AIG1: variants seen among roughly 807,000 people sequenced by gnomAD.
The protein encoded by AIG1 is androgen induced 1.
A neutral mutation model predicts 31.4 loss-of-function variants in AIG1; 23 were observed. That is an observed-to-expected ratio of 0.73 (90% CI 0.53 to 1.04). AIG1 has a LOEUF of 1.04. AIG1 is among the 50% of genes least tolerant of loss of function. AIG1 has a pLI of 0.00. For missense variants in AIG1, 274 were observed against 295.0 expected, an observed-to-expected ratio of 0.93 and a Z score of 0.52; for synonymous variants, 100 against 110.5, an observed-to-expected ratio of 0.90 and a Z score of 0.60.
At position 143,088,531 on chromosome 6, in the gene AIG1, G is replaced by A. The variant is rs200150; in HGVS notation, c.141+27465G>A. On this transcript the variant is annotated intron_variant, in intron 1 of 5. Coordinates refer to ENST00000357847, the MANE Select transcript of AIG1 (RefSeq NM_016108.4). ...GAGATCACAAAATATAGCACGAAAC[G>A]TGTAGGTTAGTAACTGGGGACTGGA... 1.2e-3 allele frequency among the ~76,000 whole-genome samples: 189 copies of A among 152,306 alleles called. 1 individual carries two copies. Among genetic ancestry groups the A allele is most frequent in the African/African-American group, 4.3e-3 (180 of 41,574 alleles).
intron 3 of AIG1, 130 bp from the exon 4 acceptor site, chr6:143,283,980 C>T (rs949454429): frequency 5.2e-5 from 28 of 537,532 alleles, no homozygotes; most frequent in Middle Eastern, 4.2e-4. Flanking sequence ...ACTTCTTTGG[C>T]GAGCCATAGA....
At chr6:143,239,491 T>C (rs912985658) in intron 3 of AIG1, among the ~76,000 whole-genome samples, 1 of 152,188 alleles carries the variant, frequency 6.6e-6, no homozygotes, top group Admixed American at 6.5e-5. Flanking sequence ...GTTGATGAGC[T>C]GAGGCGCCAC....
chr6:143,099,881 T>C (rs1780096573), intron 1 of AIG1, among the ~76,000 whole-genome samples: 1 of 152,214 alleles, frequency 6.6e-6, no homozygotes, highest in Admixed American at 6.5e-5. Flanking sequence ...ATTAGAAGTG[T>C]GTATTTGTAG....
At chr6:143,094,653 A>T (rs1045961518) in intron 1 of AIG1, among the ~76,000 whole-genome samples, 2 of 152,218 alleles carry the variant, frequency 1.3e-5, no homozygotes, top group African/African-American at 4.8e-5. Flanking sequence ...GCACCCAAGT[A>T]AAAAAGTGAC....
chr6:143,305,430 G>C (rs1325816661), intron 4 of AIG1, among the ~76,000 whole-genome samples: 1 of 151,986 alleles, frequency 6.6e-6, no homozygotes, highest in East Asian at 1.9e-4. Flanking sequence ...TTGTGTCTTT[G>C]TTCTCGTTGG....
intron 2 of AIG1, among the ~76,000 whole-genome samples, chr6:143,139,235 G>A (rs1365755485): frequency 6.6e-6 from 1 of 152,110 alleles, no homozygotes; most frequent in Admixed American, 6.6e-5. Context: ...ATCTATCACT[G>A]TCTTTGTTGT....
intron 1 of AIG1, among the ~76,000 whole-genome samples, chr6:143,070,106 A>C (rs368991560): frequency 5.9e-5 from 9 of 152,342 alleles, no homozygotes; most frequent in East Asian, 3.9e-4. Flanking sequence ...GCAGGTAGTG[A>C]GAATCATCTA....
At chr6:143,142,031 T>A (rs114103246) in intron 2 of AIG1, among the ~76,000 whole-genome samples, 2,435 of 152,216 alleles carry the variant, frequency 0.016, 72 homozygotes, top group African/African-American at 0.056. Flanking sequence ...AGCAGCCGTT[T>A]AATGAAAAAG....
In AIG1 at chr6:143,187,939, A is replaced by G; in HGVS notation, c.399+22756A>G. 3.9e-6 allele frequency: 5 copies of G among 1,275,536 alleles called. No homozygotes were observed. The South Asian group carries it at 7.0e-5, about 18-fold the overall frequency. The allele number at this position is 1,275,536 out of a possible 1,614,324, so 79.0% of individuals were successfully genotyped here. A position where few individuals can be genotyped will look rare whatever the true frequency, so the allele number is the denominator to read the frequency against. On this transcript the variant is annotated intron_variant, in intron 3 of 5. Coordinates refer to ENST00000357847, the MANE Select transcript of AIG1 (RefSeq NM_016108.4). ...GAATTTTTAACCTCCATAAGGAATGATACTTGCTCTTGATTTTATTAGTTG... is the reference window on the plus strand; with the variant it reads ...GAATTTTTAACCTCCATAAGGAATGGTACTTGCTCTTGATTTTATTAGTTG...
chr6:143,155,657 G>A (rs1267316582), intron 2 of AIG1, among the ~76,000 whole-genome samples: 1 of 152,142 alleles, frequency 6.6e-6, no homozygotes, highest in African/African-American at 2.4e-5. Context: ...AATGGATAAA[G>A]CTTAGATTTT....
chr6:143,093,805 G>T (rs780465327), intron 1 of AIG1, among the ~76,000 whole-genome samples: 1 of 152,150 alleles, frequency 6.6e-6, no homozygotes, highest in Non-Finnish European at 1.5e-5. Context: ...TGAAGAGAAG[G>T]AGAAAAATGG....
At chr6:143,192,833 A>G (rs1789913728) in intron 3 of AIG1, among the ~76,000 whole-genome samples, 1 of 152,224 alleles carries the variant, frequency 6.6e-6, no homozygotes. Flanking sequence ...ATTCAAGTCC[A>G]AACAAATTTA....
intron 3 of AIG1, among the ~76,000 whole-genome samples, chr6:143,178,569 CTG>C (rs1418531119): frequency 1.3e-5 from 2 of 152,208 alleles, no homozygotes; most frequent in African/African-American, 4.8e-5. Flanking sequence ...TGAGGTCTCT[CTG>C]GGCTCTGAGC....
chr6:143,172,184 T>A (rs188531609), intron 3 of AIG1, among the ~76,000 whole-genome samples: 108 of 152,344 alleles, frequency 7.1e-4, no homozygotes, highest in African/African-American at 2.5e-3. Flanking sequence ...AGCTTTTTAG[T>A]TTGATTAAGT....
intron 3 of AIG1, among the ~76,000 whole-genome samples, chr6:143,254,309 G>A (rs1038260008): frequency 1.3e-5 from 2 of 152,134 alleles, no homozygotes; most frequent in African/African-American, 4.8e-5. Flanking sequence ...GCAGGGAGGG[G>A]CATCTAAAGT....
rs533959666 is a variant in AIG1 at position 143,299,757 on chromosome 6, C to G, written c.515+15532C>G. On this transcript the variant is annotated intron_variant, in intron 4 of 5. Transcript: ENST00000357847. This position sits in a 1 kb window ranked among gnomAD's most constrained non-coding sequence, Gnocchi z 4.1. ...GCCACACATCAGCTCTGCTAAACTG[C>G]TTGTAGTTCCACGAACTCACCTCTG... is the stretch of plus-strand genomic sequence containing the variant. Among the ~76,000 whole-genome samples, 1 of 152,320 alleles carries G rather than the reference C, an allele frequency of 6.6e-6. No individual in the cohort carries two copies. Among genetic ancestry groups the G allele is most frequent in the Non-Finnish European group, 1.5e-5 (1 of 68,038 alleles).
intron 2 of AIG1, among the ~76,000 whole-genome samples, chr6:143,157,681 T>A (rs1221837531): frequency 6.6e-6 from 1 of 152,110 alleles, no homozygotes; most frequent in Non-Finnish European, 1.5e-5. Context: ...ATTTTTTATA[T>A]TTTATTTATT....
upstream of AIG1, among the ~76,000 whole-genome samples, chr6:143,059,410 G>A (rs921342154): frequency 6.6e-6 from 1 of 151,834 alleles, no homozygotes; most frequent in Non-Finnish European, 1.5e-5. Context: ...ACATTATTAA[G>A]GTAGGTAGAT....
At chr6:143,079,779 C>CTTTTTTTTTTT (rs78637706) in intron 1 of AIG1, among the ~76,000 whole-genome samples, 1 of 106,972 alleles carries the variant, frequency 9.3e-6, no homozygotes, top group Non-Finnish European at 1.9e-5. Context: ...GGATAGATTC[C>CTTTTTTTTTTT]TTTTTTTTTT....
Sources: gnomAD v4.1 joint callset for allele counts (sites outside exome capture counted in the v4.1 genomes callset) on GRCh38, gnomAD v4.1.1 for gene constraint, Gnocchi (gnomAD v3.1) non-coding constraint, MANE v1.5 for transcripts, NCBI Gene and HGNC (gene_info 2026-07-23, HGNC 2026-07-21) for gene names.